THAP5: variants seen among roughly 807,000 people sequenced by gnomAD.
The protein encoded by THAP5 is THAP domain containing 5.
A neutral mutation model predicts 34.0 loss-of-function variants in THAP5; 26 were observed. The observed-to-expected ratio is 0.77, with a 90% CI of 0.56 to 1.06. The LOEUF (loss-of-function observed/expected upper bound fraction) is 1.06. THAP5 is among the 50% of genes least tolerant of loss of function. The probability of loss-of-function intolerance (pLI) is 0.00; values close to 1 mark genes in which losing one functional copy is unlikely to be tolerated. For missense variants in THAP5, 394 were observed against 452.8 expected (o/e 0.87, Z 1.18); for synonymous variants, 125 against 153.0 (o/e 0.82, Z 1.35).
At chr7:108,566,758 G>A (rs779271108) in intron 1 of THAP5, among the ~76,000 whole-genome samples, 4 of 152,112 alleles carry the variant, frequency 2.6e-5, no homozygotes, top group Admixed American at 1.3e-4. Context: ...GCAAGACAGC[G>A]CTGTATACAT....
chr7:108,552,362 G>A (rs763912564), downstream of THAP5, among the ~76,000 whole-genome samples: 11 of 152,058 alleles, frequency 7.2e-5, no homozygotes, highest in Non-Finnish European at 1.3e-4. Context: ...TAATAACTGG[G>A]TTTACTTGTT....
rs1238110363 is a variant in THAP5 at position 108,563,228 on chromosome 7, T to A, written c.*963A>T. ...GGGTGGTTCCTTAGTTTAGTTCAAC[T>A]GGAATAAAATTATAAAAGTTCTATC... On this transcript the variant is annotated 3_prime_UTR_variant, in exon 3 of 3. Coordinates refer to ENST00000415914, the MANE Select transcript of THAP5 (RefSeq NM_001130475.3). 6.6e-6 allele frequency: 1 copy of A among 152,118 alleles called. No individual in the cohort carries two copies. 9.4% of individuals were successfully genotyped at this position (152,118 alleles called of 1,614,324 possible). A position where few individuals can be genotyped will look rare whatever the true frequency, so the allele number is the denominator to read the frequency against.
In THAP5 at chr7:108,564,673, T is replaced by C. The variant is rs1475275261; in HGVS notation, c.706A>G (p.Asn236Asp). The change falls in exon 3 of 3, where the codon AAC becomes GAC. Residue 236 changes from asparagine to aspartate, a missense_variant. By Grantham distance (23) the Asn-to-Asp change is conservative (BLOSUM62 1). Coordinates refer to ENST00000415914, the MANE Select transcript of THAP5 (RefSeq NM_001130475.3). ...EVTTSHLANP[N>D]FTSNSMEIKS... Reference sequence around the variant, plus strand: ...ATTTCCATGGAATTACTTGTAAAGTTTGGATTAGCAAGATGACTGGTAGTT... The same window carrying C: ...ATTTCCATGGAATTACTTGTAAAGTCTGGATTAGCAAGATGACTGGTAGTT... 3.0e-5 allele frequency: 48 copies of C among 1,613,862 alleles called. No individual in the cohort carries two copies. The highest frequency in any genetic ancestry group is 3.9e-5 in the Non-Finnish European group (46 of 1,179,952).
chr7:108,559,343 C>T (rs112678887), downstream of THAP5, among the ~76,000 whole-genome samples: 1,412 of 152,264 alleles, frequency 9.3e-3, 16 homozygotes, highest in African/African-American at 0.03. Flanking sequence ...AGTGTTTTCT[C>T]TTATTAGACG....
chr7:108,545,882 G>A, the THAP5 span, among the ~76,000 whole-genome samples: 1 of 151,932 alleles, frequency 6.6e-6, no homozygotes, highest in Non-Finnish European at 1.5e-5. Flanking sequence ...TCTCATTTAA[G>A]TCTTATATTT....
chr7:108,552,820 T>C (rs917123525), downstream of THAP5, among the ~76,000 whole-genome samples: 11 of 152,090 alleles, frequency 7.2e-5, no homozygotes, highest in African/African-American at 2.7e-4. Flanking sequence ...AAAAAATCTC[T>C]TTACCGTTGT....
At chr7:108,548,631 C>G in the THAP5 span, among the ~76,000 whole-genome samples, 1 of 152,152 alleles carries the variant, frequency 6.6e-6, no homozygotes, top group African/African-American at 2.4e-5. Context: ...CTGGGGAGGC[C>G]TCACAATCAT....
intron 1 of THAP5, among the ~76,000 whole-genome samples, chr7:108,567,091 G>A (rs1480603041): frequency 6.6e-6 from 1 of 151,868 alleles, no homozygotes; most frequent in African/African-American, 2.4e-5. Flanking sequence ...CTAAATTCTG[G>A]TAACTTTTTA....
intron 1 of THAP5, among the ~76,000 whole-genome samples, chr7:108,566,596 T>C (rs1790492775): frequency 6.6e-6 from 1 of 152,194 alleles, no homozygotes; most frequent in Non-Finnish European, 1.5e-5. Flanking sequence ...TATCTATAAG[T>C]AATCTAGTCT....
downstream of THAP5, among the ~76,000 whole-genome samples, chr7:108,551,115 A>G (rs551066602): frequency 1.3e-5 from 2 of 152,364 alleles, no homozygotes; most frequent in African/African-American, 4.8e-5. Context: ...CTCAGAAAGA[A>G]CATGAACTAT....
chr7:108,566,562 CT>C (rs1790492178), intron 1 of THAP5, among the ~76,000 whole-genome samples: 1 of 152,110 alleles, frequency 6.6e-6, no homozygotes, highest in Non-Finnish European at 1.5e-5. Context: ...AAAATATTCT[CT>C]TTACTAGCAT....
chr7:108,564,216 G>T lies in THAP5; in HGVS notation c.1163C>A (p.Thr388Lys), dbSNP rs565686754. The change falls in exon 3 of 3, where the codon ACA (threonine) becomes AAA (lysine). Residue 388 changes from threonine to lysine, a missense_variant. Coordinates refer to ENST00000415914, the MANE Select transcript of THAP5 (RefSeq NM_001130475.3). ...CTATATCATAGTGACTTCATATGTT[G>T]TAAAATGGTTTTCTATAATCTTGAC... ...ENVKIIENHFTTYEVTMI is the reference protein window; with the variant it reads ...ENVKIIENHFKTYEVTMI 1 of 1,600,274 alleles carries T rather than the reference G, an allele frequency of 6.2e-7. No homozygotes were observed. Among genetic ancestry groups the T allele is most frequent in the South Asian group, 1.1e-5 (1 of 89,288 alleles).
At chr7:108,555,148 A>G (rs760345886) in intron 1 of THAP5, among the ~76,000 whole-genome samples, 51 of 151,356 alleles carry the variant, frequency 3.4e-4, no homozygotes, top group Non-Finnish European at 6.6e-4. Flanking sequence ...GGTCAAACCC[A>G]TTGATTACTT....
At chr7:108,560,545 G>A (rs748886071), downstream of THAP5, among the ~76,000 whole-genome samples, 65 of 152,168 alleles carry the variant, frequency 4.3e-4, no homozygotes, top group Non-Finnish European at 8.4e-4. Context: ...TTTAAAAACC[G>A]AATGACTGAG....
rs1790444747 is a variant in THAP5 at position 108,564,696 on chromosome 7, GTTAC to G, written c.679_682del (p.Val227LeufsTer17). On this transcript the variant is annotated frameshift_variant, in exon 3 of 3. Coordinates refer to ENST00000415914, the MANE Select transcript of THAP5 (RefSeq NM_001130475.3). LOFTEE classifies it high-confidence loss of function. ...GTTTGGATTAGCAAGATGACTGGTA[GTTAC>G]TTCAAGAACTTCTTGAGTTTCCAAA... The G allele has an allele frequency of 6.2e-7, 1 of 1,613,816 alleles. No individual in the cohort carries two copies. Among genetic ancestry groups the G allele is most frequent in the African/African-American group, 1.3e-5 (1 of 74,920 alleles).
the THAP5 span, among the ~76,000 whole-genome samples, chr7:108,546,312 AT>A: frequency 6.6e-6 from 1 of 152,174 alleles, no homozygotes; most frequent in African/African-American, 2.4e-5. Flanking sequence ...ACAGAGACTG[AT>A]ACATAAAGAG....
At chr7:108,568,552 A>T (rs925389767) in intron 1 of THAP5, 4 of 154,828 alleles carry the variant, frequency 2.6e-5, no homozygotes, top group Middle Eastern at 1.0e-3. Flanking sequence ...AAAGCAGCCG[A>T]ATCATTAATG....
chr7:108,542,247 C>T, the THAP5 span, among the ~76,000 whole-genome samples: 8 of 151,922 alleles, frequency 5.3e-5, no homozygotes, highest in Non-Finnish European at 1.2e-4. Context: ...CAGGTTCTTT[C>T]CCAACTAATT....
chr7:108,542,305 T>A, the THAP5 span, among the ~76,000 whole-genome samples: 2 of 152,246 alleles, frequency 1.3e-5, no homozygotes, highest in Admixed American at 6.5e-5. Flanking sequence ...GATGTTTGCC[T>A]CCATTTATAA....
Sources: allele counts gnomAD v4.1 joint callset (sites outside exome capture counted in the v4.1 genomes callset), GRCh38; gene constraint gnomAD v4.1.1; transcripts MANE v1.5; gene names NCBI Gene and HGNC (gene_info 2026-07-23, HGNC 2026-07-21).